Variants in RGS22 observed in about 807,000 individuals in gnomAD.
RGS22 encodes regulator of G-protein signaling 22.
Under a neutral mutation model 172.9 loss-of-function variants are expected in RGS22, and 148 were observed. The observed-to-expected ratio is 0.86, with a 90% CI of 0.75 to 0.98. The LOEUF (loss-of-function observed/expected upper bound fraction) is 0.98, where lower values mean the gene tolerates loss of function less well. Ranked by LOEUF, RGS22 falls within the 50% of genes least tolerant of loss-of-function variation. The probability of loss-of-function intolerance (pLI) is 0.00; values close to 1 mark genes in which losing one functional copy is unlikely to be tolerated. For missense variants in RGS22, 1,347 were observed against 1,440.8 expected (o/e 0.93, Z 1.05); for synonymous variants, 458 against 480.2 (o/e 0.95, Z 0.60).
intron 14 of RGS22, among the ~76,000 whole-genome samples, chr8:100,018,384 T>A (rs1399432847): frequency 6.6e-6 from 1 of 151,534 alleles, no homozygotes; most frequent in Non-Finnish European, 1.5e-5. Context: ...AGAGCTGAAT[T>A]GGAGAGCAGA....
rs181371335 is a variant in RGS22, at chr8:100,019,889, T to G, written c.2167-11320A>C. The stretch of plus-strand genomic sequence containing the variant: ...CCATCTGCTGTTGCAAAAAAAGTAC[T>G]TTTTTTTTTTTTTAGATGGAGTTTC... On this transcript the variant is annotated intron_variant, in intron 14 of 27. Transcript: ENST00000360863. 7.5e-3 allele frequency among the ~76,000 whole-genome samples: 1,041 copies of G among 139,614 alleles called. 11 individuals are homozygous for G. Among genetic ancestry groups the G allele is most frequent in the African/African-American group, 0.026 (994 of 37,590 alleles). The allele number at this position is 139,614 out of a possible 152,430, so 91.6% of individuals were successfully genotyped here. A position where few individuals can be genotyped will look rare whatever the true frequency, so the allele number is the denominator to read the frequency against.
In RGS22 at chr8:99,989,861, C is replaced by T. The variant is rs59070819; in HGVS notation, c.3019-2242G>A. Among the ~76,000 whole-genome samples the T allele has an allele frequency of 5.9e-3, 869 of 146,432 alleles. 11 individuals carry two copies. Among genetic ancestry groups the T allele is most frequent in the African/African-American group, 0.02 (802 of 39,552 alleles). ...CTCTGTCTCTAGATAGATAGACAGA[C>T]AGATAGATAGATAGATAGATAGATA... On this transcript the variant is annotated intron_variant, in intron 20 of 27. Transcript: ENST00000360863.
intron 2 of RGS22, among the ~76,000 whole-genome samples, chr8:100,096,671 A>AT (rs74275402): frequency 1.5e-3 from 210 of 138,070 alleles, no homozygotes; most frequent in African/African-American, 2.5e-3. Context: ...TTTAAAAAAA[A>AT]TTTTTTTTTT....
At chr8:99,990,622 A>G (rs775201052) in intron 20 of RGS22, among the ~76,000 whole-genome samples, 1 of 152,126 alleles carries the variant, frequency 6.6e-6, no homozygotes, top group Non-Finnish European at 1.5e-5. Context: ...CTGCTGTACT[A>G]TGATGTGAAA....
intron 3 of RGS22, among the ~76,000 whole-genome samples, chr8:100,091,057 G>A (rs1356131582): frequency 3.3e-5 from 5 of 152,076 alleles, no homozygotes; most frequent in African/African-American, 9.7e-5. Flanking sequence ...CTTACTCTCA[G>A]TAAACCCATA....
intron 16 of RGS22, among the ~76,000 whole-genome samples, chr8:100,005,401 A>G (rs913707110): frequency 3.3e-5 from 5 of 152,182 alleles, no homozygotes; most frequent in Admixed American, 2.6e-4. Context: ...AAATTTTAAT[A>G]TATCTTAAAC....
Position 100,041,832 on chromosome 8 carries a change from A to G in RGS22, c.1908T>C (p.Asp636=), listed in dbSNP as rs1319384588. The G allele has an allele frequency of 1.9e-6, 3 of 1,612,284 alleles. No individual in the cohort carries two copies. The highest frequency in any genetic ancestry group is 2.2e-5 in the East Asian group (1 of 44,782). The stretch of plus-strand genomic sequence containing the variant: ...GTTCTTCTGTATAAGCGTATCTTCT[A>G]TCCAGCTGGGGCTTGAGACATTCAG... ...DISECLKPQL[D]RRYAYTEEPR... The change falls in exon 12 of 28, where the codon GAT becomes GAC. Residue 636 remains aspartate, a synonymous_variant. Coordinates refer to ENST00000360863, the MANE Select transcript of RGS22 (RefSeq NM_015668.5).
rs920870860 is a variant in RGS22 at position 100,062,738 on chromosome 8, A to G, written c.1367T>C (p.Met456Thr). The G allele has an allele frequency of 3.8e-6, 6 of 1,598,638 alleles. No homozygotes were observed. The African/African-American group carries it at 4.1e-5, about 11-fold the overall frequency. ...ATTGCTCACTAGATAGCATTTTTTCATCTTCTCAAGATGTCTGAAATAAAA... is the reference window on the plus strand; with the variant it reads ...ATTGCTCACTAGATAGCATTTTTTCGTCTTCTCAAGATGTCTGAAATAAAA... ...PGRHQRHLEK[M>T]KKCYLVSNGD... The change falls in exon 9 of 28, where the codon ATG (methionine) becomes ACG (threonine). Residue 456 changes from methionine (M) to threonine (T), a missense_variant. Coordinates refer to ENST00000360863, the MANE Select transcript of RGS22 (RefSeq NM_015668.5).
chr8:100,097,364 C>T (rs771147984), intron 2 of RGS22, among the ~76,000 whole-genome samples: 1 of 152,128 alleles, frequency 6.6e-6, no homozygotes, highest in Non-Finnish European at 1.5e-5. Flanking sequence ...ATTAATAGTT[C>T]ATGATACTTA....
At chr8:100,047,698 T>C (rs1047500825) in intron 10 of RGS22, 102 bp from the exon 11 acceptor site, 9 of 1,028,308 alleles carry the variant, frequency 8.8e-6, no homozygotes, top group Non-Finnish European at 9.2e-6. Context: ...ACTTTTTCTT[T>C]CCCTTTGCCT....
intron 2 of RGS22, among the ~76,000 whole-genome samples, chr8:100,102,727 G>A (rs1813595643): frequency 6.6e-6 from 1 of 152,238 alleles, no homozygotes; most frequent in South Asian, 2.1e-4. Flanking sequence ...AAGGCAAGGA[G>A]ACAAGTGGGG....
chr8:99,963,857 G>C (rs1321287944), intron 24 of RGS22, among the ~76,000 whole-genome samples: 1 of 152,138 alleles, frequency 6.6e-6, no homozygotes, highest in African/African-American at 2.4e-5. Flanking sequence ...AGGAACAACT[G>C]TATAGGGCAT....
intron 4 of RGS22, among the ~76,000 whole-genome samples, chr8:100,076,948 G>A (rs932317635): frequency 4.6e-5 from 7 of 151,806 alleles, no homozygotes; most frequent in South Asian, 2.1e-4. Flanking sequence ...AGCTGAGATC[G>A]CCCCACTGCA....
intron 6 of RGS22, among the ~76,000 whole-genome samples, chr8:100,070,070 A>G (rs2131836424): frequency 6.6e-6 from 1 of 150,988 alleles, no homozygotes; most frequent in South Asian, 2.1e-4. Flanking sequence ...TAGGAGAGTC[A>G]ACTAAGAAAA....
chr8:100,085,792 A>T (rs1812114302), intron 3 of RGS22, among the ~76,000 whole-genome samples: 1 of 152,238 alleles, frequency 6.6e-6, no homozygotes, highest in Admixed American at 6.5e-5. Flanking sequence ...GCACATACAC[A>T]TAGATTGGTA....
intron 9 of RGS22, among the ~76,000 whole-genome samples, chr8:100,060,834 G>A (rs1400041203): frequency 6.6e-6 from 1 of 151,924 alleles, no homozygotes; most frequent in Non-Finnish European, 1.5e-5. Flanking sequence ...AATTCATATG[G>A]AACCAAAAAG....
intron 2 of RGS22, among the ~76,000 whole-genome samples, chr8:100,103,780 G>C (rs1813688573): frequency 6.6e-6 from 1 of 152,160 alleles, no homozygotes; most frequent in Non-Finnish European, 1.5e-5. Flanking sequence ...AAAGATAAGA[G>C]AACTCGGAGA....
At chr8:100,053,702 C>T (rs1038201659) in intron 9 of RGS22, among the ~76,000 whole-genome samples, 1 of 152,088 alleles carries the variant, frequency 6.6e-6, no homozygotes, top group African/African-American at 2.4e-5. Flanking sequence ...GTGGTGCGAT[C>T]TCAGCTCACT....
intron 14 of RGS22, among the ~76,000 whole-genome samples, chr8:100,026,912 G>A (rs1589006858): frequency 6.6e-6 from 1 of 152,164 alleles, no homozygotes; most frequent in South Asian, 2.1e-4. Context: ...AGTAAAGCGA[G>A]AAATTATTTC....
Sources: gnomAD v4.1 joint callset for allele counts (sites outside exome capture counted in the v4.1 genomes callset) on GRCh38, gnomAD v4.1.1 for gene constraint, MANE v1.5 for transcripts, NCBI Gene and HGNC (gene_info 2026-07-23, HGNC 2026-07-21) for gene names.